The following AP2S1 variants were observed in gnomAD, a reference collection of about 807,000 sequenced individuals.
AP2S1 encodes the protein adaptor related protein complex 2 subunit sigma 1.
AP2S1 carries 6 observed loss-of-function variants against 21.0 expected under a neutral mutation model. The observed-to-expected ratio is 0.29, with a 90% CI of 0.16 to 0.56. The LOEUF (loss-of-function observed/expected upper bound fraction) is 0.56, where lower values mean the gene tolerates loss of function less well. Ranked by LOEUF, AP2S1 falls within the 20% of genes least tolerant of loss-of-function variation. The pLI, the probability that AP2S1 is intolerant of heterozygous loss-of-function variation, is 0.92. For missense variants in AP2S1, 60 were observed against 186.2 expected, an observed-to-expected ratio of 0.32 and a Z score of 3.95; for synonymous variants, 63 against 74.6, an observed-to-expected ratio of 0.84 and a Z score of 0.80.
chr19:46,840,842 C>T lies in AP2S1; in HGVS notation c.154-1264G>A, dbSNP rs146013798. Among the ~76,000 whole-genome samples the T allele has an allele frequency of 2.4e-3, 359 of 150,678 alleles. 2 individuals are homozygous for T. Among genetic ancestry groups the T allele is most frequent in the African/African-American group, 8.4e-3 (344 of 40,966 alleles). On this transcript the variant is annotated intron_variant, in intron 2 of 4. Transcript: ENST00000263270. Reference sequence around the variant, plus strand: ...AAGCGATTCTCCTGCCTCAGTCTCCCGAGTAGCTGGGATTACAGGCGCGCC... The same window carrying T: ...AAGCGATTCTCCTGCCTCAGTCTCCTGAGTAGCTGGGATTACAGGCGCGCC...
chr19:46,846,334 C>T (rs1218638516), intron 1 of AP2S1, among the ~76,000 whole-genome samples, 192 bp from the exon 2 acceptor site: 1 of 152,008 alleles, frequency 6.6e-6, no homozygotes, highest in Non-Finnish European at 1.5e-5. Context: ...CATCCCGGGT[C>T]CCTCCAGCAC....
chr19:46,850,649 G>A (rs757026296), intron 1 of AP2S1, 115 bp downstream of exon 1: 25 of 1,013,720 alleles, frequency 2.5e-5, no homozygotes, highest in Admixed American at 7.5e-5. Context: ...CAGAGCCCGC[G>A]CCTGACCCAG....
intron 2 of AP2S1, among the ~76,000 whole-genome samples, chr19:46,840,193 A>T (rs1291819270): frequency 2.0e-5 from 3 of 152,008 alleles, no homozygotes; most frequent in Non-Finnish European, 2.9e-5. Context: ...ATAGTAACAC[A>T]GACACACACC....
At chr19:46,846,216 AC>A in intron 1 of AP2S1, 74 bp from the exon 2 acceptor site, 1 of 1,565,116 alleles carries the variant, frequency 6.4e-7, no homozygotes, top group Non-Finnish European at 8.7e-7. Context: ...CAACGGCCCC[AC>A]CCATCCACCC....
intron 2 of AP2S1, among the ~76,000 whole-genome samples, chr19:46,844,263 G>A (rs2055579997): frequency 6.6e-6 from 1 of 152,056 alleles, no homozygotes; most frequent in Non-Finnish European, 1.5e-5. Flanking sequence ...AGTCTTCCCT[G>A]CAGCCCTGCA....
intron 1 of AP2S1, chr19:46,850,436 C>T (rs1464020100): frequency 2.4e-6 from 2 of 816,910 alleles, no homozygotes; most frequent in Admixed American, 4.2e-5. Context: ...CCTCCAATGC[C>T]TTCTCGCTAC....
intron 1 of AP2S1, among the ~76,000 whole-genome samples, chr19:46,848,815 C>T (rs1193965569): frequency 2.6e-5 from 4 of 152,046 alleles, no homozygotes; most frequent in Non-Finnish European, 5.9e-5. Context: ...CAGGTTCAAG[C>T]GATTCTCCTG....
Position 46,838,261 on chromosome 19 carries a change from C to T in AP2S1, c.*186G>A. On this transcript the variant is annotated 3_prime_UTR_variant, in exon 5 of 5. Coordinates refer to ENST00000263270, the MANE Select transcript of AP2S1 (RefSeq NM_004069.6). This position sits in a 1 kb window ranked among gnomAD's most constrained non-coding sequence, Gnocchi z 4.1. ...CGGTTACTCGGGACACACACGGTGG[C>T]CTCTGCCCACAGCCAGGGCCCAGAG... 1 of 608,368 alleles carries T rather than the reference C, an allele frequency of 1.6e-6. No homozygotes were observed. Among genetic ancestry groups the T allele is most frequent in the South Asian group, 1.9e-5 (1 of 51,392 alleles). The allele number at this position is 608,368 out of a possible 1,614,324, so 37.7% of individuals were successfully genotyped here.
At chr19:46,839,286 C>CAAAAAAAAAAAAAAAAAAAAAA (rs771792607) in intron 3 of AP2S1, among the ~76,000 whole-genome samples, 179 bp downstream of exon 3, 45 of 72,912 alleles carry the variant, frequency 6.2e-4, no homozygotes, top group African/African-American at 7.1e-4. Flanking sequence ...GACTCCGTCT[C>CAAAAAAAAAAAAAAAAAAAAAA]AAAAAAAAAA....
intron 3 of AP2S1, 77 bp downstream of exon 3, chr19:46,839,388 G>A (rs1454460845): frequency 3.5e-5 from 53 of 1,533,360 alleles, no homozygotes; most frequent in Non-Finnish European, 4.4e-5. Context: ...GAGGGACCAG[G>A]GAGGGTTCCC....
At chr19:46,843,412 C>T (rs574146707) in intron 2 of AP2S1, among the ~76,000 whole-genome samples, 1 of 152,310 alleles carries the variant, frequency 6.6e-6, no homozygotes, top group South Asian at 2.1e-4. Context: ...CATAGCAATA[C>T]CCCATCTCTA....
intron 2 of AP2S1, among the ~76,000 whole-genome samples, chr19:46,845,027 G>A (rs542586866): frequency 3.3e-4 from 50 of 150,982 alleles, no homozygotes; most frequent in Admixed American, 9.9e-4. Context: ...CTTGAACCCT[G>A]GAGGAGGTTG....
At chr19:46,847,494 C>T (rs962052037) in intron 1 of AP2S1, among the ~76,000 whole-genome samples, 3 of 152,072 alleles carry the variant, frequency 2.0e-5, no homozygotes, top group African/African-American at 4.8e-5. Context: ...CTGCATCAGG[C>T]GTGAGCCACT....
intron 1 of AP2S1, among the ~76,000 whole-genome samples, chr19:46,847,551 G>T (rs2055658592): frequency 6.6e-6 from 1 of 151,698 alleles, no homozygotes; most frequent in East Asian, 1.9e-4. Flanking sequence ...TCTAATACCA[G>T]AACATTTTCA....
chr19:46,843,150 C>G lies in AP2S1; in HGVS notation c.153+2843G>C, dbSNP rs563108743. Reference sequence around the variant, plus strand: ...GGGCTCAAGTGGGAAATCTAATTGTCGCCCTGGCTCTGCTTTCTCTCACAT... The same window carrying G: ...GGGCTCAAGTGGGAAATCTAATTGTGGCCCTGGCTCTGCTTTCTCTCACAT... On this transcript the variant is annotated intron_variant, in intron 2 of 4. Transcript: ENST00000263270. Among the ~76,000 whole-genome samples the G allele has an allele frequency of 1.8e-4, 27 of 152,238 alleles. No individual in the cohort carries two copies. The South Asian group carries it at 3.1e-3, about 18-fold the overall frequency.
rs2055620580 is a variant in AP2S1 at position 46,845,756 on chromosome 19, T to C, written c.153+237A>G. 5 of 478,004 alleles carry C rather than the reference T, an allele frequency of 1.0e-5. No individual in the cohort carries two copies. In the South Asian group the frequency reaches 1.9e-4, roughly 18 times the overall value. The allele number at this position is 478,004 out of a possible 1,614,324, so 29.6% of individuals were successfully genotyped here. On this transcript the variant is annotated intron_variant, in intron 2 of 4. Coordinates refer to ENST00000263270, the MANE Select transcript of AP2S1 (RefSeq NM_004069.6). ...ATACTGATTAAATCTGGGTAGTAGG[T>C]ATACGAATCTCCAATCTACTTTTCT...
intron 2 of AP2S1, among the ~76,000 whole-genome samples, chr19:46,842,659 G>T (rs2055544214): frequency 1.3e-5 from 2 of 151,902 alleles, no homozygotes; most frequent in African/African-American, 4.8e-5. Context: ...CTCAGCACAG[G>T]ACCAGCCACT....
chr19:46,848,727 T>A (rs549706115), intron 1 of AP2S1, among the ~76,000 whole-genome samples: 1 of 152,260 alleles, frequency 6.6e-6, no homozygotes, highest in Admixed American at 6.5e-5. Flanking sequence ...CTTTTCTTTT[T>A]TGTTTTCAGA....
intron 3 of AP2S1, among the ~76,000 whole-genome samples, 190 bp downstream of exon 3, chr19:46,839,273 CAA>C: frequency 1.2e-5 from 1 of 80,822 alleles, no homozygotes; most frequent in East Asian, 3.7e-4. Context: ...GGCGACAGAA[CAA>C]GACTCCGTCT....
Sources: gnomAD v4.1 joint callset for allele counts (sites outside exome capture counted in the v4.1 genomes callset) on GRCh38, gnomAD v4.1.1 for gene constraint, Gnocchi (gnomAD v3.1) non-coding constraint, MANE v1.5 for transcripts, NCBI Gene and HGNC (gene_info 2026-07-23, HGNC 2026-07-21) for gene names.